The following TACC1 variants were observed in gnomAD, a reference collection of about 807,000 sequenced individuals.
TACC1 encodes the protein transforming acidic coiled-coil-containing protein 1.
In TACC1, 48 loss-of-function variants were observed where a neutral mutation model predicts 84.4. The ratio of observed to expected loss-of-function variants is 0.57; its 90% CI spans 0.45 to 0.72. The LOEUF (loss-of-function observed/expected upper bound fraction) is 0.72. Among genes scored for constraint, TACC1 ranks in the 30% least tolerant of loss-of-function variants. TACC1 has a pLI of 0.00. For missense variants in TACC1, 920 were observed against 973.0 expected, an observed-to-expected ratio of 0.95 and a Z score of 0.72; for synonymous variants, 372 against 376.3, an observed-to-expected ratio of 0.99 and a Z score of 0.13.
intron 2 of TACC1, among the ~76,000 whole-genome samples, chr8:38,809,610 C>G (rs943402082): frequency 4.6e-5 from 7 of 152,034 alleles, no homozygotes; most frequent in African/African-American, 1.7e-4. Context: ...AGGCCCTGTC[C>G]TTGTGTTATG....
chr8:38,757,472 G>A, intron 3 of TACC1: 1 of 1,100,236 alleles, frequency 9.1e-7, no homozygotes. Flanking sequence ...CCGGGATGGA[G>A]CGCGCTGGGG....
chr8:38,835,398 G>A (rs963683783), intron 6 of TACC1, among the ~76,000 whole-genome samples: 3 of 152,204 alleles, frequency 2.0e-5, no homozygotes, highest in Non-Finnish European at 2.9e-5. Flanking sequence ...GCTTATGAAA[G>A]AAGCTCCTCA....
chr8:38,786,036 G>A (rs1290633756), upstream of TACC1: 1 of 152,082 alleles, frequency 6.6e-6, no homozygotes, highest in African/African-American at 2.4e-5. Flanking sequence ...CATGCCAACT[G>A]CTTTCAGAGG....
At chr8:38,792,704 A>G (rs1472975633) in intron 2 of TACC1, among the ~76,000 whole-genome samples, 1 of 152,130 alleles carries the variant, frequency 6.6e-6, no homozygotes, top group Non-Finnish European at 1.5e-5. Context: ...TGACCTCGTG[A>G]TCCGCCCGCC....
chr8:38,837,838 A>G (rs781051926), intron 7 of TACC1, among the ~76,000 whole-genome samples: 2 of 152,344 alleles, frequency 1.3e-5, no homozygotes, highest in East Asian at 1.9e-4. Context: ...GTTTGAGGCA[A>G]TGAATTTAGA....
At chr8:38,802,809 A>G (rs950363995) in intron 2 of TACC1, among the ~76,000 whole-genome samples, 1 of 152,130 alleles carries the variant, frequency 6.6e-6, no homozygotes, top group African/African-American at 2.4e-5. Flanking sequence ...GCTCTTTAAT[A>G]ATCAGATCTG....
intron 3 of TACC1, among the ~76,000 whole-genome samples, chr8:38,767,104 T>C (rs546309415): frequency 6.6e-6 from 1 of 152,244 alleles, no homozygotes; most frequent in Non-Finnish European, 1.5e-5. Context: ...TATTTTTGTC[T>C]ATGAGTCTTG....
intron 3 of TACC1, among the ~76,000 whole-genome samples, chr8:38,760,669 G>A (rs559004994): frequency 2.6e-5 from 4 of 152,120 alleles, no homozygotes; most frequent in East Asian, 3.9e-4. Flanking sequence ...GATTACAGGC[G>A]CATACCACCA....
chr8:38,756,828 A>AG (rs1355741404), intron 3 of TACC1, among the ~76,000 whole-genome samples: 1 of 151,998 alleles, frequency 6.6e-6, no homozygotes, highest in Non-Finnish European at 1.5e-5. Flanking sequence ...TGCCCTTTGC[A>AG]GGGCCGCCTG....
chr8:38,739,532 A>G (rs1175183711), intron 1 of TACC1, among the ~76,000 whole-genome samples: 1 of 152,018 alleles, frequency 6.6e-6, no homozygotes, highest in Admixed American at 6.6e-5. Context: ...TCCCTACACC[A>G]TTTTCGGTGC....
chr8:38,846,677 TAC>T lies in TACC1; in HGVS notation c.2229-19_2229-18del, dbSNP rs1832371620. On this transcript the variant is annotated intron_variant, in intron 11 of 12. Coordinates refer to ENST00000317827, the MANE Select transcript of TACC1 (RefSeq NM_006283.3). ...AATCATGTGCTTTTTGTCTCTTTAT[TAC>T]ACCCAAACACCATAAACAGAGCCAA... 6.2e-7 allele frequency: 1 copy of T among 1,613,498 alleles called. No individual in the cohort carries two copies. The highest frequency in any genetic ancestry group is 8.5e-7 in the Non-Finnish European group (1 of 1,179,734).
intron 2 of TACC1, among the ~76,000 whole-genome samples, chr8:38,817,675 T>A (rs1825730783): frequency 6.6e-6 from 1 of 151,736 alleles, no homozygotes; most frequent in Non-Finnish European, 1.5e-5. Flanking sequence ...AAAAGAAAAA[T>A]TTTAATTGGA....
chr8:38,785,772 G>A (rs907052521), upstream of TACC1: 10 of 947,620 alleles, frequency 1.1e-5, no homozygotes, highest in Non-Finnish European at 3.8e-6. Context: ...AGTTGGATAA[G>A]TGGTGTGATA....
intron 3 of TACC1, among the ~76,000 whole-genome samples, chr8:38,820,902 T>A (rs1381842350): frequency 1.3e-5 from 2 of 152,082 alleles, no homozygotes; most frequent in Non-Finnish European, 2.9e-5. Context: ...CCCTAGAGAC[T>A]TTTTTATGTT....
At chr8:38,836,436 C>T (rs531875405) in intron 7 of TACC1, 149 bp downstream of exon 7, 2 of 1,052,828 alleles carry the variant, frequency 1.9e-6, no homozygotes, top group East Asian at 2.6e-5. Context: ...AAAGGGCCCC[C>T]TGTGGCAGTG....
At chr8:38,777,346 C>T (rs1445240932) in intron 3 of TACC1, among the ~76,000 whole-genome samples, 2 of 152,126 alleles carry the variant, frequency 1.3e-5, no homozygotes, top group East Asian at 3.9e-4. Context: ...CTGCTCTGCT[C>T]CCCAGTCAGC....
intron 1 of TACC1, among the ~76,000 whole-genome samples, chr8:38,731,476 G>T (rs1804907968): frequency 1.3e-5 from 2 of 152,172 alleles, no homozygotes; most frequent in Non-Finnish European, 2.9e-5. Flanking sequence ...ATTGCATCTG[G>T]CATATGATAA....
upstream of TACC1, among the ~76,000 whole-genome samples, chr8:38,786,935 A>G (rs1250118206): frequency 2.0e-5 from 3 of 151,976 alleles, no homozygotes; most frequent in Non-Finnish European, 4.4e-5. Flanking sequence ...AAAAAGGAAT[A>G]AGGAAAGAGG....
Position 38,836,199 on chromosome 8 carries a change from C to T in TACC1, c.1751C>T (p.Ser584Leu), listed in dbSNP as rs200795080. The T allele has an allele frequency of 1.2e-4, 194 of 1,613,396 alleles. No individual in the cohort carries two copies. Among genetic ancestry groups the T allele is most frequent in the Admixed American group, 1.7e-4 (10 of 60,022 alleles). ...LESSAEKAPV[S>L]VSCGGESPLD... Reference sequence around the variant, plus strand: ...TCCTCTGCAGAGAAGGCCCCTGTGTCGGTGTCCTGTGGAGGTGAGAGCCCC... The same window carrying T: ...TCCTCTGCAGAGAAGGCCCCTGTGTTGGTGTCCTGTGGAGGTGAGAGCCCC... The change falls in exon 7 of 13, where the codon TCG becomes TTG. Residue 584 changes from serine to leucine, a missense_variant. Around this residue, in one of 2 missense-constraint regions of TACC1, gnomAD observed 762 missense variants for 747.3 expected, o/e 1.02. Coordinates refer to ENST00000317827, the MANE Select transcript of TACC1 (RefSeq NM_006283.3).
Sources: gnomAD v4.1 joint callset for allele counts (sites outside exome capture counted in the v4.1 genomes callset) on GRCh38, gnomAD v4.1.1 for gene constraint, gnomAD v4.1.1 regional missense constraint, MANE v1.5 for transcripts, NCBI Gene and HGNC (gene_info 2026-07-23, HGNC 2026-07-21) for gene names.